The following HRH1 variants were observed in gnomAD, a reference collection of about 807,000 sequenced individuals.
HRH1 encodes the protein histamine H1 receptor.
HRH1 carries 6 observed loss-of-function variants against 10.3 expected under a neutral mutation model. That is an observed-to-expected ratio of 0.58 (90% CI 0.32 to 1.15). HRH1 has a LOEUF of 1.15. Among genes scored for constraint, HRH1 ranks in the 50% most tolerant of loss-of-function variants. The pLI, the probability that HRH1 is intolerant of heterozygous loss-of-function variation, is 0.05. For synonymous variants in HRH1, 242 were observed against 236.7 expected, an observed-to-expected ratio of 1.02 and a Z score of -0.21; for missense variants, 514 against 615.3, an observed-to-expected ratio of 0.84 and a Z score of 1.74.
At chr3:11,252,595 G>A (rs1939681325) in intron 1 of HRH1, 1 of 152,204 alleles carries the variant, frequency 6.6e-6, no homozygotes, top group African/African-American at 2.4e-5. Flanking sequence ...CTCTGCTAAT[G>A]GACAAGCCCA....
chr3:11,259,746 A>C lies in HRH1; in HGVS notation c.709A>C (p.Ile237Leu). ...TAGGTCCCTCCCTTCCTTCTCAGAA[A>C]TTAAGCTGAGGCCAGAGAACCCCAA... ...INRSLPSFSEIKLRPENPKGD... is the reference protein window; with the variant it reads ...INRSLPSFSELKLRPENPKGD... The change falls in exon 2 of 2, where the codon ATT (isoleucine) becomes CTT (leucine). Residue 237 changes from isoleucine to leucine, a missense_variant. Coordinates refer to ENST00000431010, the MANE Select transcript of HRH1 (RefSeq NM_001098212.2). The surrounding 1 kb of genome is among the most constrained non-coding windows in gnomAD (Gnocchi z 4.6). The C allele has an allele frequency of 6.2e-7, 1 of 1,614,086 alleles. No individual in the cohort carries two copies. Among genetic ancestry groups the C allele is most frequent in the Non-Finnish European group, 8.5e-7 (1 of 1,180,010 alleles).
At chr3:11,222,188 A>G (rs985251764) in intron 1 of HRH1, among the ~76,000 whole-genome samples, 13 of 151,576 alleles carry the variant, frequency 8.6e-5, no homozygotes, top group African/African-American at 3.1e-4. Flanking sequence ...GAACACCCAC[A>G]GTCAGGAACT....
intron 1 of HRH1, among the ~76,000 whole-genome samples, chr3:11,185,014 T>G (rs1937428130): frequency 6.7e-6 from 1 of 149,576 alleles, no homozygotes; most frequent in South Asian, 2.1e-4. Flanking sequence ...TTTAAAGTTT[T>G]TATTAAAATG....
intron 1 of HRH1, among the ~76,000 whole-genome samples, chr3:11,237,693 T>C (rs1364213280): frequency 1.8e-5 from 2 of 109,644 alleles, no homozygotes; most frequent in African/African-American, 7.4e-5. Flanking sequence ...TTTTTTTTTT[T>C]GAGATGGAGT....
In HRH1 at chr3:11,259,357, A is replaced by T; in HGVS notation, c.320A>T (p.Asp107Val). The T allele has an allele frequency of 6.2e-7, 1 of 1,612,742 alleles. No individual in the cohort carries two copies. Residue 107 changes from aspartate to valine, a missense_variant, in exon 2 of 2, where the codon GAC (aspartate) becomes GTC (valine). Coordinates refer to ENST00000431010, the MANE Select transcript of HRH1 (RefSeq NM_001098212.2). This position sits in a 1 kb window ranked among gnomAD's most constrained non-coding sequence, Gnocchi z 4.6. ...CTCTGCCTCTTTTGGCTTTCCATGGACTATGTGGCCAGCACAGCGTCCATT... is the reference window on the plus strand; with the variant it reads ...CTCTGCCTCTTTTGGCTTTCCATGGTCTATGTGGCCAGCACAGCGTCCATT... The part of the protein sequence containing the change: ...RPLCLFWLSM[D>V]YVASTASIFS...
At chr3:11,170,496 C>T (rs1005804638) in intron 1 of HRH1, among the ~76,000 whole-genome samples, 25 of 152,340 alleles carry the variant, frequency 1.6e-4, no homozygotes, top group South Asian at 4.1e-4. Context: ...TTTGAACCGG[C>T]GGCCTGGTGG....
chr3:11,177,622 G>A (rs2125015383), intron 1 of HRH1, among the ~76,000 whole-genome samples: 1 of 152,284 alleles, frequency 6.6e-6, no homozygotes, highest in African/African-American at 2.4e-5. Context: ...CCTGCTAGAT[G>A]CTGAGCTCCT....
intron 1 of HRH1, among the ~76,000 whole-genome samples, chr3:11,215,900 C>A (rs947432020): frequency 2.0e-5 from 3 of 152,136 alleles, no homozygotes; most frequent in African/African-American, 4.8e-5. Context: ...TGTTTTGTAG[C>A]CTCCTTTTTT....
chr3:11,259,422 G>C lies in HRH1; in HGVS notation c.385G>C (p.Val129Leu). 6.2e-7 allele frequency: 1 copy of C among 1,613,862 alleles called. No individual in the cohort carries two copies. The highest frequency in any genetic ancestry group is 8.5e-7 in the Non-Finnish European group (1 of 1,179,966). The change falls in exon 2 of 2, where the codon GTC becomes CTC. Residue 129 changes from valine to leucine, a missense_variant. Coordinates refer to ENST00000431010, the MANE Select transcript of HRH1 (RefSeq NM_001098212.2). The surrounding 1 kb of genome is among the most constrained non-coding windows in gnomAD (Gnocchi z 4.6). ...CCTGTGCATTGATCGCTACCGCTCT[G>C]TCCAGCAGCCCCTCAGGTACCTTAA... ...FILCIDRYRS[V>L]QQPLRYLKYR...
At chr3:11,227,756 T>C (rs1938935494) in intron 1 of HRH1, among the ~76,000 whole-genome samples, 1 of 152,150 alleles carries the variant, frequency 6.6e-6, no homozygotes, top group Non-Finnish European at 1.5e-5. Context: ...AGGAACTTCC[T>C]CTCTCTGAGA....
chr3:11,220,589 G>A (rs143758158), intron 1 of HRH1, among the ~76,000 whole-genome samples: 8 of 152,334 alleles, frequency 5.3e-5, no homozygotes, highest in African/African-American at 1.7e-4. Flanking sequence ...CAGCTGAGAC[G>A]GTAAATTGGT....
chr3:11,176,612 G>A (rs1421003815), intron 1 of HRH1, among the ~76,000 whole-genome samples: 1 of 152,178 alleles, frequency 6.6e-6, no homozygotes, highest in African/African-American at 2.4e-5. Context: ...AGTGTTTCTG[G>A]TTGGCTCAGG....
At chr3:11,238,402 TCATTTAAATGAA>T (rs959849171) in intron 1 of HRH1, among the ~76,000 whole-genome samples, 15 of 152,342 alleles carry the variant, frequency 9.8e-5, no homozygotes, top group African/African-American at 3.6e-4. Flanking sequence ...TAGTTTGTTT[TCATTTAAATGAA>T]ACTGAAGAAT....
chr3:11,212,057 T>C (rs1938343958), intron 1 of HRH1, among the ~76,000 whole-genome samples: 1 of 152,008 alleles, frequency 6.6e-6, no homozygotes, highest in Non-Finnish European at 1.5e-5. Flanking sequence ...CAGAAGAATA[T>C]TTGCTATTGG....
At position 11,182,636 on chromosome 3, in the gene HRH1, G is replaced by C. The variant is rs116393935; in HGVS notation, c.-36+28082G>C. On this transcript the variant is annotated intron_variant, in intron 1 of 1. Coordinates refer to ENST00000431010, the MANE Select transcript of HRH1 (RefSeq NM_001098212.2). ...GCGTGCCTGTGGGCAGGTCATCTCA[G>C]TGTATGCATCTGTGAAATGGAGGGG... Among the ~76,000 whole-genome samples, 1,147 of 152,296 alleles carry C rather than the reference G, an allele frequency of 7.5e-3. 20 individuals carry two copies. Among genetic ancestry groups the C allele is most frequent in the African/African-American group, 0.026 (1,091 of 41,554 alleles).
At chr3:11,187,921 A>G (rs1427188997) in intron 1 of HRH1, among the ~76,000 whole-genome samples, 1 of 152,170 alleles carries the variant, frequency 6.6e-6, no homozygotes, top group Non-Finnish European at 1.5e-5. Context: ...ACATTTCCCA[A>G]TTGCTAAACA....
chr3:11,203,172 C>T (rs549562915), intron 1 of HRH1, among the ~76,000 whole-genome samples: 8 of 152,312 alleles, frequency 5.3e-5, no homozygotes, highest in African/African-American at 1.9e-4. Flanking sequence ...TCTTACTTGC[C>T]TCCAAGCTTT....
At chr3:11,164,625 T>G (rs544542332) in intron 1 of HRH1, among the ~76,000 whole-genome samples, 11 of 152,354 alleles carry the variant, frequency 7.2e-5, no homozygotes, top group African/African-American at 2.4e-4. Flanking sequence ...ATGTAGATGG[T>G]GTTGTGCATT....
At chr3:11,193,238 C>G (rs1234308727) in intron 1 of HRH1, among the ~76,000 whole-genome samples, 1 of 152,210 alleles carries the variant, frequency 6.6e-6, no homozygotes, top group African/African-American at 2.4e-5. Context: ...TCTTTTTCTC[C>G]TCTCCTAAGT....
Sources: allele counts gnomAD v4.1 joint callset (sites outside exome capture counted in the v4.1 genomes callset), GRCh38; gene constraint gnomAD v4.1.1; non-coding constraint Gnocchi (gnomAD v3.1); transcripts MANE v1.5; gene names NCBI Gene and HGNC (gene_info 2026-07-23, HGNC 2026-07-21).